The following ZC3H14 variants were observed in gnomAD, a reference collection of about 807,000 sequenced individuals.
ZC3H14 encodes zinc finger CCCH-type containing 14, also known as zinc finger CCCH domain-containing protein 14.
A neutral mutation model predicts 92.4 loss-of-function variants in ZC3H14; 31 were observed. That is an observed-to-expected ratio of 0.34 (90% CI 0.25 to 0.45). The LOEUF (loss-of-function observed/expected upper bound fraction) is 0.45, where lower values mean the gene tolerates loss of function less well. ZC3H14 is among the 20% of genes least tolerant of loss of function. ZC3H14 has a pLI of 1.00. For missense variants in ZC3H14, 781 were observed against 897.3 expected (o/e 0.87, Z 1.66); for synonymous variants, 321 against 300.9 (o/e 1.07, Z -0.69).
In ZC3H14 at chr14:88,627,433, T is replaced by C. The variant is rs1179894050; in HGVS notation, c.*15682T>C. On this transcript the variant is annotated 3_prime_UTR_variant, in exon 17 of 17. Transcript: ENST00000251038. ...AGTGAATCATTTATAATGCTAATAA[T>C]GGTTTCATTAATTTATCTGTTTTGT... The C allele has an allele frequency of 1.1e-5, 6 of 523,022 alleles. No individual in the cohort carries two copies. Among genetic ancestry groups the C allele is most frequent in the Non-Finnish European group, 1.7e-5 (5 of 301,206 alleles). The allele number at this position is 523,022 out of a possible 1,614,324, so 32.4% of individuals were successfully genotyped here.
chr14:88,570,666 ATAT>A (rs1157068276), intron 3 of ZC3H14, among the ~76,000 whole-genome samples: 1 of 152,222 alleles, frequency 6.6e-6, no homozygotes, highest in Non-Finnish European at 1.5e-5. Context: ...TGGTCAGATG[ATAT>A]TCTTTCCCAT....
intron 1 of ZC3H14, 68 bp downstream of exon 1, chr14:88,563,237 G>A (rs2079098130): frequency 3.2e-6 from 5 of 1,563,384 alleles, no homozygotes; most frequent in Non-Finnish European, 3.5e-6. Flanking sequence ...AGGAGTAACG[G>A]GGACTGTGGG....
intron 13 of ZC3H14, among the ~76,000 whole-genome samples, chr14:88,607,862 TATCTCACCCTGCAAGTACCATCCCC>T (rs2085776549): frequency 4.5e-5 from 1 of 22,278 alleles, no homozygotes; most frequent in Non-Finnish European, 7.7e-5. Context: ...TACCATCCCC[TATCTCACCCTGCAAGTACCATCCCC>T]ATCTCACCCT....
At chr14:88,604,064 C>G (rs535043656) in intron 12 of ZC3H14, among the ~76,000 whole-genome samples, 2 of 152,156 alleles carry the variant, frequency 1.3e-5, no homozygotes, top group South Asian at 2.1e-4. Context: ...TAGGCAGTCC[C>G]GATTTATTGA....
rs536690960 is a variant in ZC3H14 at position 88,572,492 on chromosome 14, G to T, written c.432-86G>T. On this transcript the variant is annotated intron_variant, in intron 5 of 16. Transcript: ENST00000251038. The stretch of plus-strand genomic sequence containing the variant: ...AGGGAGTATCCTCAGTTTTTTCATT[G>T]AAATTTTTCAAGTAAACATTCTTTA... 1.2e-5 allele frequency: 19 copies of T among 1,537,484 alleles called. No homozygotes were observed. In the African/African-American group the frequency reaches 2.1e-4, roughly 17 times the overall value.
rs1202653478 is a variant in ZC3H14 at position 88,616,768 on chromosome 14, A to C, written c.*5017A>C. On this transcript the variant is annotated 3_prime_UTR_variant, in exon 17 of 17. Coordinates refer to ENST00000251038, the MANE Select transcript of ZC3H14 (RefSeq NM_024824.5). The stretch of plus-strand genomic sequence containing the variant: ...GGAAGTCAAATAACTTAACCATGCC[A>C]AAGTCATCTCCTGTAACAAGACTGA... The C allele has an allele frequency of 2.5e-6, 4 of 1,613,812 alleles. No individual in the cohort carries two copies. The African/African-American group carries it at 4.0e-5, about 16-fold the overall frequency.
Position 88,627,125 on chromosome 14 carries a change from C to T in ZC3H14, c.*15374C>T. On this transcript the variant is annotated 3_prime_UTR_variant, in exon 17 of 17. Coordinates refer to ENST00000251038, the MANE Select transcript of ZC3H14 (RefSeq NM_024824.5). Reference sequence around the variant, plus strand: ...CAGCATCAAACAAATATGTAAAATACATAGTTCAAAAAACAAAGGCTTAGA... The same window carrying T: ...CAGCATCAAACAAATATGTAAAATATATAGTTCAAAAAACAAAGGCTTAGA... 1 of 1,456,814 alleles carries T rather than the reference C, an allele frequency of 6.9e-7. No homozygotes were observed. The highest frequency in any genetic ancestry group is 9.5e-7 in the Non-Finnish European group (1 of 1,050,604). The allele number at this position is 1,456,814 out of a possible 1,614,324, so 90.2% of individuals were successfully genotyped here.
chr14:88,592,209 G>A (rs2083224504), intron 9 of ZC3H14: 1 of 152,012 alleles, frequency 6.6e-6, no homozygotes, highest in African/African-American at 2.4e-5. Context: ...GTCCTCTAGT[G>A]AACCAGCTGG....
rs754696677 is a variant in ZC3H14, at chr14:88,607,361, CAAGT to C, written c.1867_1868+2del. 7.5e-6 allele frequency: 12 copies of C among 1,609,244 alleles called. No individual in the cohort carries two copies. Among genetic ancestry groups the C allele is most frequent in the Non-Finnish European group, 1.0e-5 (12 of 1,178,030 alleles). The stretch of plus-strand genomic sequence containing the variant: ...CCTACCATCACCCCATCTCACCCTG[CAAGT>C]GAGTACCATCCCCCCATCTCACCCT... On this transcript the variant is annotated splice_donor_variant and coding_sequence_variant, in exon 13 of 17. Coordinates refer to ENST00000251038, the MANE Select transcript of ZC3H14 (RefSeq NM_024824.5). LOFTEE classifies it high-confidence loss of function.
chr14:88,610,572 G>A (rs2086452531), intron 15 of ZC3H14, among the ~76,000 whole-genome samples: 2 of 151,182 alleles, frequency 1.3e-5, no homozygotes, highest in African/African-American at 4.9e-5. Flanking sequence ...GGAGGTAGAG[G>A]CAGAAGTGGA....
At chr14:88,595,233 A>C in intron 9 of ZC3H14, 4 of 1,498,436 alleles carry the variant, frequency 2.7e-6, no homozygotes, top group Non-Finnish European at 3.5e-6. Context: ...TTTTTCATGG[A>C]CCTTTAATGA....
chr14:88,567,374 C>G (rs1404236630), intron 2 of ZC3H14, among the ~76,000 whole-genome samples: 1 of 150,498 alleles, frequency 6.6e-6, no homozygotes, highest in Non-Finnish European at 1.5e-5. Context: ...CTTGGCCTCC[C>G]AAAGTGCTGG....
rs761606174 is a variant in ZC3H14 at position 88,615,713 on chromosome 14, TAC to T, written c.*3964_*3965del. Reference sequence around the variant, plus strand: ...GATGATTCTGGGCATTTCTCCCTGTTACAGTCTTGGGTTAGCACCACTTGACC... The same window carrying T: ...GATGATTCTGGGCATTTCTCCCTGTTAGTCTTGGGTTAGCACCACTTGACC... On this transcript the variant is annotated 3_prime_UTR_variant, in exon 17 of 17. Coordinates refer to ENST00000251038, the MANE Select transcript of ZC3H14 (RefSeq NM_024824.5). 8 of 1,027,426 alleles carry T rather than the reference TAC, an allele frequency of 7.8e-6. No individual in the cohort carries two copies. The highest frequency in any genetic ancestry group is 1.1e-5 in the Non-Finnish European group (8 of 695,700). The allele number at this position is 1,027,426 out of a possible 1,614,324, so 63.6% of individuals were successfully genotyped here. A position where few individuals can be genotyped will look rare whatever the true frequency, so the allele number is the denominator to read the frequency against.
At position 88,572,169 on chromosome 14, in the gene ZC3H14, A is replaced by T. The variant is rs564469863; in HGVS notation, c.375A>T (p.Glu125Asp). 9.2e-5 allele frequency: 148 copies of T among 1,614,064 alleles called. No individual in the cohort carries two copies. Among genetic ancestry groups the T allele is most frequent in the South Asian group, 3.4e-4 (31 of 91,084 alleles). Residue 125 changes from glutamate (E) to aspartate (D), a missense_variant, in exon 5 of 17, where the codon GAA becomes GAT. Around this residue, in one of 3 missense-constraint regions of ZC3H14, gnomAD observed 454 missense variants for 438.5 expected, o/e 1.04. Transcript: ENST00000251038. ...TTGCCATTCCTAGCGCGAGACCTGA[A>T]AAAAGAGATTCCAGAGTTTCTACAA... ...PPLAIPSARPEKRDSRVSTSS... is the reference protein window; with the variant it reads ...PPLAIPSARPDKRDSRVSTSS...
intron 7 of ZC3H14, 32 bp from the exon 8 acceptor site, chr14:88,575,808 T>G: frequency 3.2e-6 from 5 of 1,575,694 alleles, no homozygotes; most frequent in Non-Finnish European, 4.4e-6. Flanking sequence ...AAATTTAAAG[T>G]TTAATAAAAA....
At chr14:88,575,687 A>C (rs934336470) in intron 7 of ZC3H14, among the ~76,000 whole-genome samples, 153 bp from the exon 8 acceptor site, 2 of 152,132 alleles carry the variant, frequency 1.3e-5, no homozygotes, top group Non-Finnish European at 2.9e-5. Context: ...TCTAAAAAAA[A>C]AAATAAGGTT....
intron 2 of ZC3H14, 35 bp from the exon 3 acceptor site, chr14:88,568,004 A>G (rs1211135291): frequency 1.3e-6 from 2 of 1,579,254 alleles, no homozygotes. Flanking sequence ...AGTTTTGAGG[A>G]AACAAAGTTT....
chr14:88,589,440 A>C (rs1036203061), intron 9 of ZC3H14: 2 of 152,182 alleles, frequency 1.3e-5, no homozygotes, highest in African/African-American at 2.4e-5. Flanking sequence ...GTTTCATCCA[A>C]ATTCAAGGCT....
At position 88,596,765 on chromosome 14, in the gene ZC3H14, G is replaced by A. The variant is rs1385106446; in HGVS notation, c.1311G>A (p.Leu437=). 2 of 1,613,886 alleles carry A rather than the reference G, an allele frequency of 1.2e-6. No individual in the cohort carries two copies. Among genetic ancestry groups the A allele is most frequent in the Non-Finnish European group, 1.7e-6 (2 of 1,179,948 alleles). The part of the protein sequence containing the change: ...GTQQRQLLSR[L]QIDPVMAETL... ...AACAGAGGCAATTATTATCCCGACT[G>A]CAAATCGACCCAGTAATGGCAGAAA... Residue 437 remains leucine, a synonymous_variant, in exon 10 of 17, where the codon CTG becomes CTA. Transcript: ENST00000251038.
Sources: allele counts gnomAD v4.1 joint callset (sites outside exome capture counted in the v4.1 genomes callset), GRCh38; gene constraint gnomAD v4.1.1; regional missense constraint gnomAD v4.1.1; transcripts MANE v1.5; gene names NCBI Gene and HGNC (gene_info 2026-07-23, HGNC 2026-07-21).